AKAP19: variants seen among roughly 807,000 people sequenced by gnomAD.
AKAP19 encodes small A-kinase anchoring protein.
chr2:189,957,229 T>C, the AKAP19 span, among the ~76,000 whole-genome samples: 1 of 152,184 alleles, frequency 6.6e-6, no homozygotes, highest in Admixed American at 6.5e-5. Flanking sequence ...GGTTCAGATG[T>C]TATAGAAAGT....
the AKAP19 span, among the ~76,000 whole-genome samples, chr2:190,000,933 G>A: frequency 1.6e-4 from 24 of 151,818 alleles, no homozygotes; most frequent in East Asian, 2.1e-3. Context: ...TCTTTTTTGC[G>A]GGGACTCCCA....
At chr2:190,133,342 A>C in the AKAP19 span, among the ~76,000 whole-genome samples, 1 of 152,084 alleles carries the variant, frequency 6.6e-6, no homozygotes, top group African/African-American at 2.4e-5. Context: ...AAACATGCTC[A>C]ACATCATTAA....
At chr2:190,115,277 A>G in the AKAP19 span, among the ~76,000 whole-genome samples, 2 of 3,600 alleles carry the variant, frequency 5.6e-4, no homozygotes, top group African/African-American at 1.2e-3. Flanking sequence ...ATATATATAT[A>G]TATATATATA....
chr2:190,097,903 GAAAA>G, the AKAP19 span, among the ~76,000 whole-genome samples: 1 of 127,646 alleles, frequency 7.8e-6, no homozygotes, highest in Non-Finnish European at 1.7e-5. Flanking sequence ...AAAAGAAAAA[GAAAA>G]AAAGAAAGAA....
the AKAP19 span, among the ~76,000 whole-genome samples, chr2:190,067,995 A>C: frequency 1.3e-5 from 2 of 152,114 alleles, no homozygotes; most frequent in African/African-American, 4.8e-5. Context: ...TGAGGTCAGA[A>C]GTTCGAGACC....
chr2:189,999,855 A>C, the AKAP19 span, among the ~76,000 whole-genome samples: 4 of 152,134 alleles, frequency 2.6e-5, no homozygotes, highest in African/African-American at 9.7e-5. Flanking sequence ...CTAAAGTTTA[A>C]CTTTGTTTTT....
the AKAP19 span, among the ~76,000 whole-genome samples, chr2:190,111,743 G>C: frequency 6.6e-6 from 1 of 152,004 alleles, no homozygotes; most frequent in East Asian, 1.9e-4. Context: ...GGGTTGGGGG[G>C]GAAAGAAGCA....
chr2:190,155,122 G>A, the AKAP19 span, among the ~76,000 whole-genome samples: 2 of 152,118 alleles, frequency 1.3e-5, no homozygotes, highest in Non-Finnish European at 2.9e-5. Flanking sequence ...TCAAGGAGGG[G>A]GACATTTTCT....
At chr2:190,137,002 C>T in the AKAP19 span, among the ~76,000 whole-genome samples, 1 of 152,202 alleles carries the variant, frequency 6.6e-6, no homozygotes, top group Non-Finnish European at 1.5e-5. Flanking sequence ...GGTAGTACAT[C>T]CAGTAAATGT....
chr2:189,970,992 T>C, the AKAP19 span, among the ~76,000 whole-genome samples: 3 of 152,320 alleles, frequency 2.0e-5, no homozygotes, highest in East Asian at 5.8e-4. Flanking sequence ...TTCTCTTTTT[T>C]TATTATTATA....
the AKAP19 span, among the ~76,000 whole-genome samples, chr2:189,981,722 C>G: frequency 6.6e-6 from 1 of 152,138 alleles, no homozygotes; most frequent in African/African-American, 2.4e-5. Flanking sequence ...GTTTGCTTGT[C>G]TGAGAAAGAC....
the AKAP19 span, among the ~76,000 whole-genome samples, chr2:190,174,265 CTT>C: frequency 1.3e-5 from 2 of 152,176 alleles, no homozygotes; most frequent in East Asian, 1.9e-4. Context: ...GCTGAGAAAA[CTT>C]TTGCCTGAGG....
At chr2:190,082,845 T>A in the AKAP19 span, among the ~76,000 whole-genome samples, 2 of 152,216 alleles carry the variant, frequency 1.3e-5, no homozygotes, top group Middle Eastern at 3.2e-3. Flanking sequence ...TTTCCAGTAT[T>A]AATGCTACCA....
the AKAP19 span, among the ~76,000 whole-genome samples, chr2:189,936,407 C>G: frequency 6.6e-6 from 1 of 152,014 alleles, no homozygotes; most frequent in Non-Finnish European, 1.5e-5. Context: ...TACCTAGGAC[C>G]TTGTTAAAAT....
At chr2:190,184,629 G>A in the AKAP19 span, among the ~76,000 whole-genome samples, 1 of 152,146 alleles carries the variant, frequency 6.6e-6, no homozygotes, top group Non-Finnish European at 1.5e-5. Flanking sequence ...GGCGGGAGGA[G>A]GACTAGGAAG....
At chr2:190,161,349 T>C in the AKAP19 span, among the ~76,000 whole-genome samples, 1 of 152,168 alleles carries the variant, frequency 6.6e-6, no homozygotes, top group African/African-American at 2.4e-5. Context: ...TACCAGCTTT[T>C]AAAAGGCATT....
At chr2:189,911,900 A>G in the AKAP19 span, among the ~76,000 whole-genome samples, 3 of 151,262 alleles carry the variant, frequency 2.0e-5, no homozygotes, top group African/African-American at 4.8e-5. Context: ...TTTTTTTTCT[A>G]TAGTTACCTC....
At chr2:190,039,785 T>C in the AKAP19 span, among the ~76,000 whole-genome samples, 3 of 152,168 alleles carry the variant, frequency 2.0e-5, no homozygotes, top group Non-Finnish European at 4.4e-5. Flanking sequence ...TGCTTTTCTG[T>C]TCCTGTGTTA....
the AKAP19 span, among the ~76,000 whole-genome samples, chr2:190,083,473 C>A: frequency 7.9e-5 from 12 of 151,960 alleles, no homozygotes; most frequent in African/African-American, 2.4e-4. Flanking sequence ...AGGACAGCTG[C>A]CCAGAAGACT....
Sources: gnomAD v4.1 joint callset for allele counts (sites outside exome capture counted in the v4.1 genomes callset) on GRCh38, gnomAD v4.1.1 for gene constraint, MANE v1.5 for transcripts, NCBI Gene and HGNC (gene_info 2026-07-23, HGNC 2026-07-21) for gene names.